Variants in MRPL17 observed in about 807,000 individuals in gnomAD.
The protein encoded by MRPL17 is mitochondrial ribosomal protein L17.
A neutral mutation model predicts 12.0 loss-of-function variants in MRPL17; 8 were observed. The ratio of observed to expected loss-of-function variants is 0.67; its 90% CI spans 0.39 to 1.21. MRPL17 has a LOEUF of 1.21. MRPL17 is among the 50% of genes most tolerant of loss of function. The pLI, the probability that MRPL17 is intolerant of heterozygous loss-of-function variation, is 0.01. For synonymous variants in MRPL17, 107 were observed against 92.9 expected, an observed-to-expected ratio of 1.15 and a Z score of -0.87; for missense variants, 263 against 234.4, an observed-to-expected ratio of 1.12 and a Z score of -0.80.
intron 1 of MRPL17, 50 bp from the exon 2 acceptor site, chr11:6,682,865 C>A: frequency 1.3e-6 from 2 of 1,564,810 alleles, no homozygotes; most frequent in South Asian, 2.3e-5. Context: ...AACAAGGTGC[C>A]AATCTAATTT....
intron 1 of MRPL17, 146 bp from the exon 2 acceptor site, chr11:6,682,961 C>T (rs1046543933): frequency 9.0e-5 from 115 of 1,281,618 alleles, no homozygotes; most frequent in Non-Finnish European, 1.2e-4. Context: ...CCTAACCAGT[C>T]TTCCATTAGA....
In MRPL17 at chr11:6,681,973, G is replaced by A. The variant is rs1589972685; in HGVS notation, c.*145C>T. ...CTTTTATCTATTGTGCAAAGAGAGG[G>A]TCATCTGGCTCCCCAGAAGGTTCTC... On this transcript the variant is annotated 3_prime_UTR_variant, in exon 3 of 3. Transcript: ENST00000288937. 4.0e-6 allele frequency: 3 copies of A among 756,050 alleles called. No homozygotes were observed. Among genetic ancestry groups the A allele is most frequent in the Admixed American group, 3.0e-5 (1 of 32,836 alleles). The allele number at this position is 756,050 out of a possible 1,614,324, so 46.8% of individuals were successfully genotyped here.
At chr11:6,683,053 T>C (rs1452440656) in intron 1 of MRPL17, 70 bp downstream of exon 1, 2 of 1,549,640 alleles carry the variant, frequency 1.3e-6, no homozygotes, top group Non-Finnish European at 1.7e-6. Flanking sequence ...CCCGGTCCCT[T>C]TCCACTTGCA....
In MRPL17 at chr11:6,682,106, C is replaced by T; in HGVS notation, c.*12G>A. On this transcript the variant is annotated 3_prime_UTR_variant, in exon 3 of 3. Coordinates refer to ENST00000288937, the MANE Select transcript of MRPL17 (RefSeq NM_022061.4). ...GGGTACTGATTAAGGGCTGCAGACT[C>T]TTCAGATCCAGTTAAATCCCTGGTG... 1 of 1,604,318 alleles carries T rather than the reference C, an allele frequency of 6.2e-7. No individual in the cohort carries two copies. The highest frequency in any genetic ancestry group is 1.1e-5 in the South Asian group (1 of 90,470).
chr11:6,682,866 A>G, intron 1 of MRPL17, 51 bp from the exon 2 acceptor site: 3 of 1,564,958 alleles, frequency 1.9e-6, no homozygotes, highest in Non-Finnish European at 2.6e-6. Context: ...ACAAGGTGCC[A>G]ATCTAATTTC....
chr11:6,681,757 A>G lies in MRPL17; in HGVS notation c.*361T>C, dbSNP rs1846565965. ...CTCTGGCAACATTTGGAATTATAGG[A>G]TGCATTCCCATGTAAACTGGCATTA... is the stretch of plus-strand genomic sequence containing the variant. On this transcript the variant is annotated 3_prime_UTR_variant, in exon 3 of 3. Transcript: ENST00000288937. 1.3e-5 allele frequency: 2 copies of G among 154,632 alleles called. No individual in the cohort carries two copies. Among genetic ancestry groups the G allele is most frequent in the African/African-American group, 2.4e-5 (1 of 41,554 alleles). The allele number at this position is 154,632 out of a possible 1,614,324, so 9.6% of individuals were successfully genotyped here. A position where few individuals can be genotyped will look rare whatever the true frequency, so the allele number is the denominator to read the frequency against.
rs202181008 is a variant in MRPL17, at chr11:6,682,777, T to A, written c.213A>T (p.Arg71=). The A allele has an allele frequency of 3.4e-4, 548 of 1,614,188 alleles. 3 individuals are homozygous for A. The South Asian group carries it at 5.8e-3, about 17-fold the overall frequency. ...DYGKLGDTNE[R]AMRMADFWLT... ...GCCAGAAGTCAGCCATGCGCATGGC[T>A]CGTTCGTTAGTGTCTCCCAGCTTCC... is the stretch of plus-strand genomic sequence containing the variant. The change falls in exon 2 of 3, where the codon CGA becomes CGT. Residue 71 remains arginine, a synonymous_variant. Coordinates refer to ENST00000288937, the MANE Select transcript of MRPL17 (RefSeq NM_022061.4).
In MRPL17 at chr11:6,682,022, T is replaced by C. The variant is rs142774585; in HGVS notation, c.*96A>G. ...TCAACCCCATCAAGACTGTCCATTT[T>C]ACATCTCTAGCTCCAGTTCTTCTCA... is the stretch of plus-strand genomic sequence containing the variant. On this transcript the variant is annotated 3_prime_UTR_variant, in exon 3 of 3. Transcript: ENST00000288937. 3.4e-4 allele frequency: 497 copies of C among 1,466,466 alleles called. 9 individuals are homozygous for C. In the South Asian group the frequency reaches 5.7e-3, roughly 17 times the overall value. 90.8% of individuals were successfully genotyped at this position (1,466,466 alleles called of 1,614,324 possible).
Position 6,680,830 on chromosome 11 carries a change from T to C in MRPL17, c.*1288A>G, listed in dbSNP as rs1282521766. The C allele has an allele frequency of 6.6e-6, 1 of 152,202 alleles. No homozygotes were observed. Among genetic ancestry groups the C allele is most frequent in the Non-Finnish European group, 1.5e-5 (1 of 68,026 alleles). The allele number at this position is 152,202 out of a possible 1,614,324, so 9.4% of individuals were successfully genotyped here. On this transcript the variant is annotated 3_prime_UTR_variant, in exon 3 of 3. Transcript: ENST00000288937. ...TGTTTTGAGTGTCTACTATATTTCATTTAAAATATAAGAGCTTTCTGGCTA... is the reference window on the plus strand; with the variant it reads ...TGTTTTGAGTGTCTACTATATTTCACTTAAAATATAAGAGCTTTCTGGCTA...
In MRPL17 at chr11:6,682,266, C is replaced by T; in HGVS notation, c.380G>A (p.Gly127Glu). Residue 127 changes from glycine (G) to glutamate (E), a missense_variant, in exon 3 of 3, where the codon GGG becomes GAG. Transcript: ENST00000288937. ...CAGAGGCAGGGGTGGGAGGCAATTC[C>T]CTTTATACTCGATCACTGCCATCTT... ...RAKMAVIEYK[G>E]NCLPPLPLPR... 1 of 1,614,152 alleles carries T rather than the reference C, an allele frequency of 6.2e-7. No individual in the cohort carries two copies. Among genetic ancestry groups the T allele is most frequent in the Non-Finnish European group, 8.5e-7 (1 of 1,180,034 alleles).
At chr11:6,683,073 G>GC in intron 1 of MRPL17, 50 bp downstream of exon 1, 1 of 1,569,786 alleles carries the variant, frequency 6.4e-7, no homozygotes. Context: ...AGCCGGCTCC[G>GC]CCCCCTCAGA....
At chr11:6,682,658 A>C in intron 2 of MRPL17, 89 bp downstream of exon 2, 1 of 1,326,220 alleles carries the variant, frequency 7.5e-7, no homozygotes, top group Non-Finnish European at 1.1e-6. Flanking sequence ...GTGAGTACCC[A>C]AGTTTAATTC....
At position 6,683,216 on chromosome 11, in the gene MRPL17, A is replaced by G. The variant is rs770092683; in HGVS notation, c.81T>C (p.His27=). 6.2e-7 allele frequency: 1 copy of G among 1,614,144 alleles called. No individual in the cohort carries two copies. Among genetic ancestry groups the G allele is most frequent in the South Asian group, 1.1e-5 (1 of 91,086 alleles). The part of the protein sequence containing the change: ...RMGLGPESRI[H]LLRNLLTGLV... ...GCCCTGTGAGCAAGTTCCGCAACAG[A>G]TGGATGCGGGACTCGGGACCGAGGC... The change falls in exon 1 of 3, where the codon CAT becomes CAC. Residue 27 remains histidine (H), a synonymous_variant. Coordinates refer to ENST00000288937, the MANE Select transcript of MRPL17 (RefSeq NM_022061.4).
At position 6,682,686 on chromosome 11, in the gene MRPL17, T is replaced by C. The variant is rs1846579793; in HGVS notation, c.243+61A>G. On this transcript the variant is annotated intron_variant, in intron 2 of 2. Coordinates refer to ENST00000288937, the MANE Select transcript of MRPL17 (RefSeq NM_022061.4). ...TTTAATTCTGCATAGTTCTCCTTTTTCCAACCCCCACCCCCAGGGAGCAAA... is the reference window on the plus strand; with the variant it reads ...TTTAATTCTGCATAGTTCTCCTTTTCCCAACCCCCACCCCCAGGGAGCAAA... 8.5e-6 allele frequency: 13 copies of C among 1,536,974 alleles called. 1 individual carries two copies. The highest frequency in any genetic ancestry group is 7.8e-5 in the South Asian group (7 of 89,362).
At position 6,682,168 on chromosome 11, in the gene MRPL17, G is replaced by T. The variant is rs1410559966; in HGVS notation, c.478C>A (p.Gln160Lys). 6.2e-7 allele frequency: 1 copy of T among 1,613,952 alleles called. No homozygotes were observed. Among genetic ancestry groups the T allele is most frequent in the Non-Finnish European group, 8.5e-7 (1 of 1,179,982 alleles). The change falls in exon 3 of 3, where the codon CAG (glutamine) becomes AAG (lysine). Residue 160 changes from glutamine to lysine, a missense_variant. Physicochemically the swap from Gln to Lys is moderately conservative, Grantham distance 53 (BLOSUM62 1). Coordinates refer to ENST00000288937, the MANE Select transcript of MRPL17 (RefSeq NM_022061.4). ...QGLRQDLRQS[Q>K]EASNHSSHTA... ...TGGGAGCTGTGGTTGCTTGCTTCCTGGCTTTGCCTGAGGTCCTGCCGCAAA... is the reference window on the plus strand; with the variant it reads ...TGGGAGCTGTGGTTGCTTGCTTCCTTGCTTTGCCTGAGGTCCTGCCGCAAA...
Position 6,682,731 on chromosome 11 carries a change from G to C in MRPL17, c.243+16C>G. Reference sequence around the variant, plus strand: ...AGCAAAGGGTGGGATTTTGAAGGCAGATAGGTCGCACTCACTGTGAGCCAG... The same window carrying C: ...AGCAAAGGGTGGGATTTTGAAGGCACATAGGTCGCACTCACTGTGAGCCAG... On this transcript the variant is annotated intron_variant, in intron 2 of 2. Coordinates refer to ENST00000288937, the MANE Select transcript of MRPL17 (RefSeq NM_022061.4). 6.2e-7 allele frequency: 1 copy of C among 1,613,544 alleles called. No homozygotes were observed. Among genetic ancestry groups the C allele is most frequent in the Non-Finnish European group, 8.5e-7 (1 of 1,179,430 alleles).
Position 6,683,277 on chromosome 11 carries a change from G to A in MRPL17, c.20C>T (p.Ala7Val), listed in dbSNP as rs1180162412. MRLSVA[A>V]AISHGRVFRR... ...AAATACGCGGCCATGGGAGATCGCT[G>A]CAGCGACCGACAGCCGCATGTTTCC... Residue 7 changes from alanine (A) to valine (V), a missense_variant, in exon 1 of 3, where the codon GCA becomes GTA. Physicochemically the swap from Ala to Val is moderately conservative, Grantham distance 64 (BLOSUM62 0). Transcript: ENST00000288937. The A allele has an allele frequency of 2.5e-6, 4 of 1,612,060 alleles. No homozygotes were observed. The highest frequency in any genetic ancestry group is 1.7e-6 in the Non-Finnish European group (2 of 1,178,550).
rs1846575740 is a variant in MRPL17 at position 6,682,363 on chromosome 11, G to C, written c.283C>G (p.Pro95Ala). 6.2e-7 allele frequency: 1 copy of C among 1,614,104 alleles called. No homozygotes were observed. Among genetic ancestry groups the C allele is most frequent in the Middle Eastern group, 1.6e-4 (1 of 6,062 alleles). The change falls in exon 3 of 3, where the codon CCT becomes GCT. Residue 95 changes from proline to alanine, a missense_variant. Pro to Ala is a conservative substitution (Grantham distance 27, BLOSUM62 -1). Coordinates refer to ENST00000288937, the MANE Select transcript of MRPL17 (RefSeq NM_022061.4). Reference sequence around the variant, plus strand: ...CCCCCAGTTTGATCTTTGTACCGAGGGGCCAGTACTTGAAACAGCTTTGGG... The same window carrying C: ...CCCCCAGTTTGATCTTTGTACCGAGCGGCCAGTACTTGAAACAGCTTTGGG... ...LIPKLFQVLA[P>A]RYKDQTGGYT...
chr11:6,682,551 G>C (rs1589972937), intron 2 of MRPL17, 149 bp from the exon 3 acceptor site: 3 of 1,059,338 alleles, frequency 2.8e-6, no homozygotes, highest in Non-Finnish European at 4.2e-6. Flanking sequence ...GTTACACAAA[G>C]GGGTCGTTTA....
Sources: gnomAD v4.1 joint callset for allele counts on GRCh38, gnomAD v4.1.1 for gene constraint, MANE v1.5 for transcripts, NCBI Gene and HGNC (gene_info 2026-07-23, HGNC 2026-07-21) for gene names.